Variants in ST3GAL4 observed in about 807,000 individuals in gnomAD.
The protein encoded by ST3GAL4 is CMP-N-acetylneuraminate-beta-galactosamide-alpha-2,3-sialyltransferase 4.
ST3GAL4 carries 24 observed loss-of-function variants against 42.6 expected under a neutral mutation model. The ratio of observed to expected loss-of-function variants is 0.56; its 90% CI spans 0.41 to 0.79. The LOEUF is 0.79. Among genes scored for constraint, ST3GAL4 ranks in the 30% least tolerant of loss-of-function variants. The pLI, the probability that ST3GAL4 is intolerant of heterozygous loss-of-function variation, is 0.00. For missense variants in ST3GAL4, 311 were observed against 430.8 expected (o/e 0.72, Z 2.46); for synonymous variants, 135 against 163.2 (o/e 0.83, Z 1.32).
rs1457642886 is a variant in ST3GAL4 at position 126,400,042 on chromosome 11, C to A, written c.-60-6054C>A. The stretch of plus-strand genomic sequence containing the variant: ...TCTCTGCTCTCTCTCTCTTTTCTTC[C>A]TTTCCCTCCCCTCCCCTGCTTTCCT... On this transcript the variant is annotated intron_variant, in intron 1 of 10. Coordinates refer to ENST00000444328, the MANE Select transcript of ST3GAL4 (RefSeq NM_001254757.2). The surrounding 1 kb of genome is among the most constrained non-coding windows in gnomAD (Gnocchi z 4.6). Among the ~76,000 whole-genome samples, 2 of 152,104 alleles carry A rather than the reference C, an allele frequency of 1.3e-5. No individual in the cohort carries two copies. The highest frequency in any genetic ancestry group is 2.9e-5 in the Non-Finnish European group (2 of 68,030).
At chr11:126,372,560 G>C (rs573914480) in intron 1 of ST3GAL4, among the ~76,000 whole-genome samples, 108 of 151,822 alleles carry the variant, frequency 7.1e-4, no homozygotes, top group African/African-American at 2.2e-3. Context: ...GGGATTACAC[G>C]CATGCACCAC....
At chr11:126,389,862 C>T (rs1334581823) in intron 1 of ST3GAL4, among the ~76,000 whole-genome samples, 3 of 151,988 alleles carry the variant, frequency 2.0e-5, no homozygotes, top group Non-Finnish European at 4.4e-5. Context: ...GCTGGGATTA[C>T]AGGCATGACT....
At chr11:126,365,382 G>C (rs908097749) in intron 1 of ST3GAL4, among the ~76,000 whole-genome samples, 1 of 152,138 alleles carries the variant, frequency 6.6e-6, no homozygotes, top group Non-Finnish European at 1.5e-5. Flanking sequence ...CTTAGATTAC[G>C]CAGGGCATGG....
Position 126,407,378 on chromosome 11 carries a change from A to G in ST3GAL4, c.280+29A>G, listed in dbSNP as rs766990557. 13 of 1,608,008 alleles carry G rather than the reference A, an allele frequency of 8.1e-6. No homozygotes were observed. The South Asian group carries it at 1.1e-4, about 14-fold the overall frequency. On this transcript the variant is annotated intron_variant, in intron 5 of 10. Coordinates refer to ENST00000444328, the MANE Select transcript of ST3GAL4 (RefSeq NM_001254757.2). ...AGTTCCTACCCGGCTCGTGGGAACC[A>G]TGGGCTCACCCTGACCACGTTGCTT...
At position 126,363,090 on chromosome 11, in the gene ST3GAL4, T is replaced by G. The variant is rs1952301687; in HGVS notation, c.-61+7248T>G. On this transcript the variant is annotated intron_variant, in intron 1 of 10. Coordinates refer to ENST00000444328, the MANE Select transcript of ST3GAL4 (RefSeq NM_001254757.2). This position sits in a 1 kb window ranked among gnomAD's most constrained non-coding sequence, Gnocchi z 4.6. ...AGTGGTCTAGAAATCCCTCCCCAGC[T>G]GGGCTGGACTGAATGAGGGGCTGGC... Among the ~76,000 whole-genome samples the G allele has an allele frequency of 6.6e-6, 1 of 152,144 alleles. No homozygotes were observed. The highest frequency in any genetic ancestry group is 1.5e-5 in the Non-Finnish European group (1 of 68,018).
chr11:126,403,331 G>GAA, intron 1 of ST3GAL4: 6 of 961,454 alleles, frequency 6.2e-6, no homozygotes, highest in Non-Finnish European at 7.4e-6. Flanking sequence ...AGACTGGTTA[G>GAA]CGCTGCTCAC....
At position 126,402,178 on chromosome 11, in the gene ST3GAL4, G is replaced by A. The variant is rs554734794; in HGVS notation, c.-60-3918G>A. ...TACAGAACTGAGGACAGTGATGGCC[G>A]AGCGTGGTGGCTCATGCCTGCAATC... is the stretch of plus-strand genomic sequence containing the variant. On this transcript the variant is annotated intron_variant, in intron 1 of 10. Transcript: ENST00000444328. Among the ~76,000 whole-genome samples the A allele has an allele frequency of 6.4e-4, 97 of 152,022 alleles. 1 individual carries two copies. Among genetic ancestry groups the A allele is most frequent in the South Asian group, 3.3e-3 (16 of 4,808 alleles).
intron 1 of ST3GAL4, among the ~76,000 whole-genome samples, chr11:126,382,938 A>G (rs1413409465): frequency 6.6e-6 from 1 of 152,344 alleles, no homozygotes; most frequent in African/African-American, 2.4e-5. Flanking sequence ...AAGGCCTTGC[A>G]GGTTCCTGGA....
intron 1 of ST3GAL4, among the ~76,000 whole-genome samples, chr11:126,369,795 C>T (rs1248263460): frequency 6.6e-6 from 1 of 152,188 alleles, no homozygotes; most frequent in Non-Finnish European, 1.5e-5. Context: ...AAGTCACTCT[C>T]CCACCCGCCC....
In ST3GAL4 at chr11:126,366,173, A is replaced by G. The variant is rs921876044; in HGVS notation, c.-61+10331A>G. ...GCTCCCAGGGACCTGCAAGCTGACA[A>G]ACAAAGTCTATACGAGCCAGAGCTG... On this transcript the variant is annotated intron_variant, in intron 1 of 10. Transcript: ENST00000444328. This position sits in a 1 kb window ranked among gnomAD's most constrained non-coding sequence, Gnocchi z 4.2. 5.3e-5 allele frequency among the ~76,000 whole-genome samples: 8 copies of G among 152,136 alleles called. No individual in the cohort carries two copies. Among genetic ancestry groups the G allele is most frequent in the African/African-American group, 1.4e-4 (6 of 41,428 alleles).
chr11:126,397,181 CTTAT>C lies in ST3GAL4; in HGVS notation c.-60-8912_-60-8909del, dbSNP rs1268884627. Reference sequence around the variant, plus strand: ...ATACATCTTTATTCACATGTTATTACTTATTTGTCAGATGTTTGTAAAACATCTG... The same window carrying C: ...ATACATCTTTATTCACATGTTATTACTTGTCAGATGTTTGTAAAACATCTG... On this transcript the variant is annotated intron_variant, in intron 1 of 10. Transcript: ENST00000444328. This position sits in a 1 kb window ranked among gnomAD's most constrained non-coding sequence, Gnocchi z 5.0. Among the ~76,000 whole-genome samples, 1 of 152,070 alleles carries C rather than the reference CTTAT, an allele frequency of 6.6e-6. No individual in the cohort carries two copies. The highest frequency in any genetic ancestry group is 1.9e-4 in the East Asian group (1 of 5,196).
chr11:126,369,833 A>G (rs1237647222), intron 1 of ST3GAL4, among the ~76,000 whole-genome samples: 1 of 152,226 alleles, frequency 6.6e-6, no homozygotes, highest in African/African-American at 2.4e-5. Flanking sequence ...CTTGTTTTGC[A>G]TCCTTCTGAG....
At position 126,392,130 on chromosome 11, in the gene ST3GAL4, C is replaced by T. The variant is rs147436687; in HGVS notation, c.-60-13966C>T. On this transcript the variant is annotated intron_variant, in intron 1 of 10. Coordinates refer to ENST00000444328, the MANE Select transcript of ST3GAL4 (RefSeq NM_001254757.2). The surrounding 1 kb of genome is among the most constrained non-coding windows in gnomAD (Gnocchi z 5.8). ...CTGGATTGGCCTGTGGGCCTGAGTC[C>T]GTACCCCTTTTCACTGGCTCCTCCT... 44 of 160,732 alleles carry T rather than the reference C, an allele frequency of 2.7e-4. No individual in the cohort carries two copies. Among genetic ancestry groups the T allele is most frequent in the East Asian group, 1.3e-3 (7 of 5,218 alleles). 10.0% of individuals were successfully genotyped at this position (160,732 alleles called of 1,614,324 possible). A position where few individuals can be genotyped will look rare whatever the true frequency, so the allele number is the denominator to read the frequency against.
chr11:126,378,025 T>G lies in ST3GAL4; in HGVS notation c.-61+22183T>G, dbSNP rs535967452. Among the ~76,000 whole-genome samples the G allele has an allele frequency of 2.0e-5, 3 of 152,202 alleles. No homozygotes were observed. The East Asian group carries it at 5.8e-4, about 29-fold the overall frequency. ...GAAATCCAGAACCCCTTCGTAAGAC[T>G]GTGTCTGGGATATTATGATTCTCTT... On this transcript the variant is annotated intron_variant, in intron 1 of 10. Transcript: ENST00000444328. The surrounding 1 kb of genome is among the most constrained non-coding windows in gnomAD (Gnocchi z 5.3).
At chr11:126,413,129 A>G (rs1249120345) in intron 9 of ST3GAL4, among the ~76,000 whole-genome samples, 1 of 151,910 alleles carries the variant, frequency 6.6e-6, no homozygotes, top group East Asian at 1.9e-4. Flanking sequence ...GGGTCTCACT[A>G]TGTTGCCCAG....
At chr11:126,377,407 G>A (rs1349211555) in intron 1 of ST3GAL4, among the ~76,000 whole-genome samples, 1 of 151,532 alleles carries the variant, frequency 6.6e-6, no homozygotes, top group Non-Finnish European at 1.5e-5. Context: ...CTGACCTCAG[G>A]TGATCCACCT....
At chr11:126,388,025 C>T (rs1218948061) in intron 1 of ST3GAL4, among the ~76,000 whole-genome samples, 2 of 152,200 alleles carry the variant, frequency 1.3e-5, no homozygotes, top group Non-Finnish European at 2.9e-5. Context: ...AAGTTGTTTC[C>T]ATCTTAACCC....
intron 1 of ST3GAL4, among the ~76,000 whole-genome samples, chr11:126,395,572 A>G (rs1189636663): frequency 6.6e-6 from 1 of 152,080 alleles, no homozygotes; most frequent in African/African-American, 2.4e-5. Context: ...AGCTCCCATA[A>G]TTCCCATGTG....
chr11:126,367,046 GC>G (rs1382168568), intron 1 of ST3GAL4, among the ~76,000 whole-genome samples: 1 of 152,088 alleles, frequency 6.6e-6, no homozygotes, highest in Non-Finnish European at 1.5e-5. Flanking sequence ...GGTGTGGGGG[GC>G]CTGCCTGTAG....
Sources: allele counts gnomAD v4.1 joint callset (sites outside exome capture counted in the v4.1 genomes callset), GRCh38; gene constraint gnomAD v4.1.1; non-coding constraint Gnocchi (gnomAD v3.1); transcripts MANE v1.5; gene names NCBI Gene and HGNC (gene_info 2026-07-23, HGNC 2026-07-21).